The following UBL3 variants were observed in gnomAD, a reference collection of about 807,000 sequenced individuals.
UBL3 encodes ubiquitin like 3, also known as ubiquitin-like protein 3.
Under a neutral mutation model 18.4 loss-of-function variants are expected in UBL3, and 6 were observed. The observed-to-expected ratio is 0.33, with a 90% CI of 0.18 to 0.64. UBL3 has a LOEUF of 0.64. Ranked by LOEUF, UBL3 falls within the 30% of genes least tolerant of loss-of-function variation. UBL3 has a pLI of 0.76. For missense variants in UBL3, 109 were observed against 142.9 expected, an observed-to-expected ratio of 0.76 and a Z score of 1.21; for synonymous variants, 49 against 46.6, an observed-to-expected ratio of 1.05 and a Z score of -0.21.
At chr13:29,840,806 A>G (rs2388246) in intron 1 of UBL3, among the ~76,000 whole-genome samples, 42,920 of 152,078 alleles carry the variant, frequency 0.28, 6,130 homozygotes, top group East Asian at 0.41. Context: ...ATTGTTTGTA[A>G]TAGCTTCTAA....
intron 3 of UBL3, among the ~76,000 whole-genome samples, chr13:29,769,760 C>T (rs113324454): frequency 6.6e-6 from 1 of 152,014 alleles, no homozygotes; most frequent in African/African-American, 2.4e-5. Context: ...TATAAAGGTT[C>T]TATTTTAAAA....
intron 2 of UBL3, among the ~76,000 whole-genome samples, chr13:29,775,161 C>T (rs1251208004): frequency 6.6e-6 from 1 of 152,154 alleles, no homozygotes; most frequent in African/African-American, 2.4e-5. Flanking sequence ...GGCAAAAATA[C>T]ATCATCTAGC....
chr13:29,850,326 C>G lies in UBL3; in HGVS notation c.-788G>C, dbSNP rs891942223. The G allele has an allele frequency of 5.2e-5, 8 of 153,426 alleles. No individual in the cohort carries two copies. The highest frequency in any genetic ancestry group is 1.9e-4 in the African/African-American group (8 of 41,398). The allele number at this position is 153,426 out of a possible 1,614,324, so 9.5% of individuals were successfully genotyped here. ...GGGTCGGGGCGCATCGTCTCCGGCTCCTCGCCACTCCTCTTCTGCCTCCGC... is the reference window on the plus strand; with the variant it reads ...GGGTCGGGGCGCATCGTCTCCGGCTGCTCGCCACTCCTCTTCTGCCTCCGC... On this transcript the variant is annotated 5_prime_UTR_variant, in exon 1 of 5. Transcript: ENST00000380680.
At chr13:29,820,168 CCT>C (rs1491252482) in intron 1 of UBL3, among the ~76,000 whole-genome samples, 4 of 117,568 alleles carry the variant, frequency 3.4e-5, no homozygotes, top group Admixed American at 9.2e-5. Context: ...CCTCAGAGTT[CCT>C]TTTTTTTTTT....
intron 1 of UBL3, among the ~76,000 whole-genome samples, chr13:29,823,138 G>C (rs1448623628): frequency 1.3e-5 from 2 of 152,022 alleles, no homozygotes; most frequent in East Asian, 3.9e-4. Context: ...AGTAAATTTA[G>C]TTTTGTTTTC....
chr13:29,840,564 A>AAAT (rs10632341), intron 1 of UBL3, among the ~76,000 whole-genome samples: 2 of 152,056 alleles, frequency 1.3e-5, no homozygotes, highest in East Asian at 3.8e-4. Flanking sequence ...ACAAAAAAAA[A>AAAT]CTCAATGAAG....
intron 1 of UBL3, among the ~76,000 whole-genome samples, chr13:29,815,778 C>T (rs1037180002): frequency 6.6e-6 from 1 of 152,086 alleles, no homozygotes; most frequent in Non-Finnish European, 1.5e-5. Context: ...GAAAAGCACT[C>T]AATGAAAGAT....
At chr13:29,775,447 A>C (rs1018321478) in intron 2 of UBL3, among the ~76,000 whole-genome samples, 3 of 152,208 alleles carry the variant, frequency 2.0e-5, no homozygotes, top group Admixed American at 2.0e-4. Flanking sequence ...TACATATACT[A>C]TGTTCTTTGT....
At chr13:29,843,575 C>G (rs1159618171) in intron 1 of UBL3, among the ~76,000 whole-genome samples, 1 of 152,202 alleles carries the variant, frequency 6.6e-6, no homozygotes, top group African/African-American at 2.4e-5. Flanking sequence ...CTTTTTCATT[C>G]TATCACCAAA....
At chr13:29,832,146 A>G (rs538934075) in intron 1 of UBL3, among the ~76,000 whole-genome samples, 44 of 152,284 alleles carry the variant, frequency 2.9e-4, no homozygotes, top group African/African-American at 1.0e-3. Flanking sequence ...TAGACACAGC[A>G]GTTTAGAAAG....
At chr13:29,810,319 T>C (rs1878021126) in intron 1 of UBL3, among the ~76,000 whole-genome samples, 1 of 152,120 alleles carries the variant, frequency 6.6e-6, no homozygotes, top group Admixed American at 6.6e-5. Flanking sequence ...AAGTGGTATT[T>C]AGCCTGGGAA....
chr13:29,767,601 T>C lies in UBL3; in HGVS notation c.301+17A>G. 6.2e-7 allele frequency: 1 copy of C among 1,610,884 alleles called. No homozygotes were observed. Among genetic ancestry groups the C allele is most frequent in the South Asian group, 1.1e-5 (1 of 90,574 alleles). ...CTTTGTGCCTCAACTGAGATACTTT[T>C]CCAGTGCATGGCTTACCTTGAGAGT... On this transcript the variant is annotated intron_variant, in intron 4 of 4. Transcript: ENST00000380680.
At chr13:29,827,731 G>A (rs1878660583) in intron 1 of UBL3, among the ~76,000 whole-genome samples, 1 of 152,176 alleles carries the variant, frequency 6.6e-6, no homozygotes, top group South Asian at 2.1e-4. Context: ...TATGATGTTA[G>A]CTGGTTAGTT....
chr13:29,840,147 A>G (rs1003952354), intron 1 of UBL3, among the ~76,000 whole-genome samples: 1 of 152,136 alleles, frequency 6.6e-6, no homozygotes, highest in Non-Finnish European at 1.5e-5. Flanking sequence ...AATTACAATA[A>G]GCAGATTTTG....
chr13:29,835,160 ATATATATATATATATATATATATATC>A (rs1878924658), intron 1 of UBL3, among the ~76,000 whole-genome samples: 6 of 53,404 alleles, frequency 1.1e-4, no homozygotes, highest in South Asian at 8.1e-4. Context: ...ATATATATAT[ATATATATATATATATATATATATATC>A]TCCACCCTCC....
intron 1 of UBL3, among the ~76,000 whole-genome samples, chr13:29,785,064 C>A (rs189832605): frequency 6.6e-6 from 1 of 152,116 alleles, no homozygotes; most frequent in African/African-American, 2.4e-5. Flanking sequence ...CGCCACCATG[C>A]CCGGCTAATT....
In UBL3 at chr13:29,849,691, C is replaced by T. The variant is rs2139374869; in HGVS notation, c.-153G>A. 1.0e-6 allele frequency: 1 copy of T among 992,560 alleles called. No individual in the cohort carries two copies. Among genetic ancestry groups the T allele is most frequent in the Middle Eastern group, 2.1e-4 (1 of 4,766 alleles). 61.5% of individuals were successfully genotyped at this position (992,560 alleles called of 1,614,324 possible). Reference sequence around the variant, plus strand: ...TAAAGTTATTTTGGAGCCAAAGTGCCGGTCAGGCCGAGGTTCTGGTTCGAA... The same window carrying T: ...TAAAGTTATTTTGGAGCCAAAGTGCTGGTCAGGCCGAGGTTCTGGTTCGAA... On this transcript the variant is annotated 5_prime_UTR_variant, in exon 1 of 5. Transcript: ENST00000380680.
chr13:29,822,456 A>C (rs1878483729), intron 1 of UBL3, among the ~76,000 whole-genome samples: 1 of 152,202 alleles, frequency 6.6e-6, no homozygotes, highest in Non-Finnish European at 1.5e-5. Context: ...GCTCCTTTTG[A>C]TTCTACTGAA....
At chr13:29,770,175 G>A (rs1196329426) in intron 3 of UBL3, among the ~76,000 whole-genome samples, 1 of 152,046 alleles carries the variant, frequency 6.6e-6, no homozygotes, top group Non-Finnish European at 1.5e-5. Flanking sequence ...GTATTTCCCT[G>A]TGTGCTATCT....
Sources: allele counts gnomAD v4.1 joint callset (sites outside exome capture counted in the v4.1 genomes callset), GRCh38; gene constraint gnomAD v4.1.1; transcripts MANE v1.5; gene names NCBI Gene and HGNC (gene_info 2026-07-23, HGNC 2026-07-21).